Variants in RIF1 observed in about 807,000 individuals in gnomAD.
RIF1 encodes telomere-associated protein RIF1.
RIF1 carries 45 observed loss-of-function variants against 247.1 expected under a neutral mutation model. The ratio of observed to expected loss-of-function variants is 0.18; its 90% confidence interval spans 0.14 to 0.23. The LOEUF is 0.23. Among genes scored for constraint, RIF1 ranks in the 10% least tolerant of loss-of-function variants. RIF1 has a pLI of 1.00. For missense variants in RIF1, 2,967 were observed against 2,862.5 expected, an observed-to-expected ratio of 1.04 and a Z score of -0.83; for synonymous variants, 1,087 against 978.8, an observed-to-expected ratio of 1.11 and a Z score of -2.06.
the RIF1 span, chr2:151,534,068 T>C: frequency 1.6e-6 from 1 of 627,468 alleles, no homozygotes; most frequent in African/African-American, 1.8e-5. Context: ...TGACGGGCTT[T>C]TTGGGTGGCT....
At position 151,420,776 on chromosome 2, in the gene RIF1, T is replaced by G. The variant is rs539769069; in HGVS notation, c.693+397T>G. ...AAAAATCTGTCTGGGCATATTGGTA[T>G]AGTTGCACTATGATATAGGATTTTA... On this transcript the variant is annotated intron_variant, in intron 7 of 35. Coordinates refer to ENST00000444746, the MANE Select transcript of RIF1 (RefSeq NM_018151.5). Among the ~76,000 whole-genome samples, 5 of 151,148 alleles carry G rather than the reference T, an allele frequency of 3.3e-5. No individual in the cohort carries two copies. The South Asian group carries it at 6.3e-4, about 19-fold the overall frequency.
intron 33 of RIF1, among the ~76,000 whole-genome samples, chr2:151,469,237 A>G (rs1402906206): frequency 2.6e-5 from 4 of 152,152 alleles, no homozygotes; most frequent in African/African-American, 7.2e-5. Context: ...ATCGTTCACT[A>G]TATCTTGATT....
chr2:151,440,984 A>G (rs935230241), intron 15 of RIF1, among the ~76,000 whole-genome samples: 1 of 152,174 alleles, frequency 6.6e-6, no homozygotes, highest in Non-Finnish European at 1.5e-5. Context: ...TATGTAGTGC[A>G]TGTTCATACC....
chr2:151,450,150 C>A (rs1238403051), intron 20 of RIF1, among the ~76,000 whole-genome samples: 5 of 151,200 alleles, frequency 3.3e-5, no homozygotes, highest in Admixed American at 1.3e-4. Context: ...CCTTTGATGT[C>A]CCCCCCTTTT....
rs569315681 is a variant in RIF1 at position 151,470,534 on chromosome 2, T to G, written c.7095+670T>G. Among the ~76,000 whole-genome samples, 4 of 152,322 alleles carry G rather than the reference T, an allele frequency of 2.6e-5. No individual in the cohort carries two copies. In the East Asian group the frequency reaches 5.8e-4, roughly 22 times the overall value. On this transcript the variant is annotated intron_variant, in intron 34 of 35. Transcript: ENST00000444746. ...AATCCAAAACGCTCATTAGAGAATTTGGGCATCATGTCAGTGCTCAAAAAG... is the reference window on the plus strand; with the variant it reads ...AATCCAAAACGCTCATTAGAGAATTGGGGCATCATGTCAGTGCTCAAAAAG...
At chr2:151,453,001 C>T (rs898603583) in intron 21 of RIF1, among the ~76,000 whole-genome samples, 3 of 151,970 alleles carry the variant, frequency 2.0e-5, no homozygotes, top group African/African-American at 4.8e-5. Flanking sequence ...TAAGACTAAC[C>T]GAAAGGAAAT....
chr2:151,485,749 C>A, downstream of RIF1: 1 of 1,598,596 alleles, frequency 6.3e-7, no homozygotes, highest in Non-Finnish European at 8.6e-7. Context: ...AAGTGTGATG[C>A]TTTGAAATGC....
chr2:151,425,027 A>G (rs991408426), intron 8 of RIF1, among the ~76,000 whole-genome samples: 1 of 151,666 alleles, frequency 6.6e-6, no homozygotes, highest in Non-Finnish European at 1.5e-5. Context: ...TCCCACCAGT[A>G]ATGCACTGGG....
At chr2:151,461,840 A>G (rs1055593662) in intron 27 of RIF1, among the ~76,000 whole-genome samples, 8 of 152,074 alleles carry the variant, frequency 5.3e-5, no homozygotes, top group African/African-American at 1.7e-4. Flanking sequence ...TTTTATAACA[A>G]TTTAGTAGAA....
chr2:151,503,358 G>T, intron 12 of RIF1: 1 of 1,608,766 alleles, frequency 6.2e-7, no homozygotes, highest in Middle Eastern at 1.7e-4. Context: ...CCGAGCTAAA[G>T]TTCTCTTGAT....
intron 25 of RIF1, among the ~76,000 whole-genome samples, 157 bp from the exon 26 acceptor site, chr2:151,459,843 G>A (rs1695853426): frequency 6.6e-6 from 1 of 152,202 alleles, no homozygotes; most frequent in African/African-American, 2.4e-5. Flanking sequence ...GAATTAGACA[G>A]TGGCTTTCCT....
At chr2:151,441,193 C>T (rs557672735) in intron 15 of RIF1, among the ~76,000 whole-genome samples, 6 of 152,102 alleles carry the variant, frequency 3.9e-5, no homozygotes, top group African/African-American at 1.4e-4. Flanking sequence ...TGCAATCCAG[C>T]CTGGACAACA....
In RIF1 at chr2:151,420,179, C is replaced by T. The variant is rs778941688; in HGVS notation, c.504-11C>T. On this transcript the variant is annotated splice_polypyrimidine_tract_variant and intron_variant, in intron 6 of 35. Coordinates refer to ENST00000444746, the MANE Select transcript of RIF1 (RefSeq NM_018151.5). ...GGTCACGCTAATTATTCATTGATTTCTCTATTATAGGCTAATTGAACAAGC... is the reference window on the plus strand; with the variant it reads ...GGTCACGCTAATTATTCATTGATTTTTCTATTATAGGCTAATTGAACAAGC... The T allele has an allele frequency of 5.0e-6, 8 of 1,602,512 alleles. No homozygotes were observed. The South Asian group carries it at 7.8e-5, about 16-fold the overall frequency.
At chr2:151,508,160 G>T, downstream of RIF1, 1 of 1,276,650 alleles carries the variant, frequency 7.8e-7, no homozygotes, top group Non-Finnish European at 1.1e-6. Context: ...AGGGATATAG[G>T]CCAATGGGAC....
At chr2:151,487,252 C>T (rs534069288) in intron 9 of RIF1, among the ~76,000 whole-genome samples, 1 of 152,128 alleles carries the variant, frequency 6.6e-6, no homozygotes, top group Non-Finnish European at 1.5e-5. Flanking sequence ...CAAAGCTATC[C>T]TCCACAGTGT....
At chr2:151,458,080 G>C in intron 24 of RIF1, 117 bp downstream of exon 24, 1 of 647,430 alleles carries the variant, frequency 1.5e-6, no homozygotes, top group South Asian at 2.2e-5. Flanking sequence ...TTCCTTAGTT[G>C]AAATATTACC....
At chr2:151,523,955 A>C in the RIF1 span, among the ~76,000 whole-genome samples, 1 of 152,202 alleles carries the variant, frequency 6.6e-6, no homozygotes, top group South Asian at 2.1e-4. Flanking sequence ...CTTCATGTTA[A>C]ATCTATCCCA....
chr2:151,413,274 C>T (rs1686609247), intron 3 of RIF1, among the ~76,000 whole-genome samples: 1 of 152,018 alleles, frequency 6.6e-6, no homozygotes, highest in African/African-American at 2.4e-5. Flanking sequence ...CTCAGGTGAT[C>T]CGCCCACCTT....
chr2:151,410,866 G>GT (rs1553471364), intron 2 of RIF1, among the ~76,000 whole-genome samples: 1 of 21,126 alleles, frequency 4.7e-5, no homozygotes, highest in East Asian at 3.6e-3. Flanking sequence ...GCTACCCAGA[G>GT]TTTTTTTAAC....
Sources: allele counts gnomAD v4.1 joint callset (sites outside exome capture counted in the v4.1 genomes callset), GRCh38; gene constraint gnomAD v4.1.1; transcripts MANE v1.5; gene names NCBI Gene and HGNC (gene_info 2026-07-23, HGNC 2026-07-21).